ECHDC3: variants seen among roughly 807,000 people sequenced by gnomAD.
ECHDC3 encodes the protein enoyl-CoA hydratase domain-containing protein 3, mitochondrial.
Under a neutral mutation model 17.9 loss-of-function variants are expected in ECHDC3, and 20 were observed. The observed-to-expected ratio is 1.12, with a 90% CI of 0.79 to 1.63. The LOEUF (loss-of-function observed/expected upper bound fraction) is 1.63. Ranked by LOEUF, ECHDC3 falls within the 40% of genes most tolerant of loss-of-function variation. The pLI is 0.00. For synonymous variants in ECHDC3, 177 were observed against 149.7 expected (o/e 1.18, Z -1.33); for missense variants, 407 against 357.7 (o/e 1.14, Z -1.11).
chr10:11,743,925 C>T (rs1832724751), intron 1 of ECHDC3, among the ~76,000 whole-genome samples: 1 of 152,230 alleles, frequency 6.6e-6, no homozygotes, highest in South Asian at 2.1e-4. Context: ...GAAACACTCT[C>T]ACATGAATGC....
rs142839894 is a variant in ECHDC3, at chr10:11,761,847, C to G, written c.592-1377C>G. ...CCTGCCTGCCTGCCTGTCTTCCTCC[C>G]TCTCTCCTTCCTTCCCTCATAAATA... is the stretch of plus-strand genomic sequence containing the variant. On this transcript the variant is annotated intron_variant, in intron 4 of 4. Coordinates refer to ENST00000379215, the MANE Select transcript of ECHDC3 (RefSeq NM_024693.5). Among the ~76,000 whole-genome samples, 624 of 152,338 alleles carry G rather than the reference C, an allele frequency of 4.1e-3. 8 individuals carry two copies. Among genetic ancestry groups the G allele is most frequent in the Non-Finnish European group, 4.1e-3 (276 of 68,038 alleles).
At chr10:11,754,290 G>C (rs1458562852) in intron 3 of ECHDC3, among the ~76,000 whole-genome samples, 2 of 10,936 alleles carry the variant, frequency 1.8e-4, no homozygotes, top group Non-Finnish European at 1.5e-3. Flanking sequence ...TTGAATACCT[G>C]CCTTGGGGTA....
At chr10:11,746,904 T>C (rs1832767436) in intron 1 of ECHDC3, among the ~76,000 whole-genome samples, 1 of 152,116 alleles carries the variant, frequency 6.6e-6, no homozygotes, top group African/African-American at 2.4e-5. Context: ...GAGGGAGTTA[T>C]TTTCATTCTG....
At chr10:11,755,332 A>G (rs1832873211) in intron 3 of ECHDC3, 76 bp from the exon 4 acceptor site, 1 of 1,255,638 alleles carries the variant, frequency 8.0e-7, no homozygotes, top group Non-Finnish European at 1.1e-6. Flanking sequence ...TCAAAAAAAA[A>G]AAAAAAAAAA....
rs1263727692 is a variant in ECHDC3, at chr10:11,742,726, G to T, written c.150G>T (p.Ala50=). 1.1e-5 allele frequency: 14 copies of T among 1,234,386 alleles called. No individual in the cohort carries two copies. The highest frequency in any genetic ancestry group is 1.4e-5 in the Non-Finnish European group (14 of 989,376). 76.5% of individuals were successfully genotyped at this position (1,234,386 alleles called of 1,614,324 possible). The change falls in exon 1 of 5, where the codon GCG becomes GCT. Residue 50 remains alanine (A), a synonymous_variant. Coordinates refer to ENST00000379215, the MANE Select transcript of ECHDC3 (RefSeq NM_024693.5). ...AGTCGGAGCCGCGGCCCACCAGCGCGCGGCAGCTGGACGGCATAAGGTCAG... is the reference window on the plus strand; with the variant it reads ...AGTCGGAGCCGCGGCCCACCAGCGCTCGGCAGCTGGACGGCATAAGGTCAG... The part of the protein sequence containing the change: ...RRESEPRPTS[A]RQLDGIRNIV...
chr10:11,759,727 G>A (rs565787371), intron 4 of ECHDC3, among the ~76,000 whole-genome samples: 2 of 152,240 alleles, frequency 1.3e-5, no homozygotes, highest in East Asian at 1.9e-4. Flanking sequence ...AATCACCCCC[G>A]TTCCAAGGCT....
At position 11,747,394 on chromosome 10, in the gene ECHDC3, T is replaced by TTA. The variant is rs781359675; in HGVS notation, c.216_217insTA (p.Ala73Ter). 18 of 1,614,066 alleles carry TTA rather than the reference T, an allele frequency of 1.1e-5. No individual in the cohort carries two copies. Among genetic ancestry groups the TTA allele is most frequent in the Non-Finnish European group, 1.5e-5 (18 of 1,179,966 alleles). On this transcript the variant is annotated frameshift_variant, in exon 2 of 5. Transcript: ENST00000379215. LOFTEE classifies it high-confidence loss of function. ...CCAAGAAGAGGAACGCGTTGTCACTTGCAATGCTGAAGTCTCTCCAAAGTG... is the reference window on the plus strand; with the variant it reads ...CCAAGAAGAGGAACGCGTTGTCACTTTAGCAATGCTGAAGTCTCTCCAAAGTG...
At chr10:11,748,713 C>T (rs572211619) in intron 2 of ECHDC3, among the ~76,000 whole-genome samples, 1 of 152,214 alleles carries the variant, frequency 6.6e-6, no homozygotes, top group Non-Finnish European at 1.5e-5. Context: ...TGGCAAAACC[C>T]CATCTCTACC....
At chr10:11,759,859 C>T (rs371962378) in intron 4 of ECHDC3, among the ~76,000 whole-genome samples, 3 of 152,330 alleles carry the variant, frequency 2.0e-5, no homozygotes, top group South Asian at 2.1e-4. Context: ...TGTTATTATA[C>T]GAGCCTTGCA....
intron 4 of ECHDC3, among the ~76,000 whole-genome samples, chr10:11,762,394 G>A (rs1219196977): frequency 6.6e-6 from 1 of 152,222 alleles, no homozygotes; most frequent in African/African-American, 2.4e-5. Context: ...GGAACATCAG[G>A]GATGCCACCA....
chr10:11,761,034 A>T (rs1832944264), intron 4 of ECHDC3, among the ~76,000 whole-genome samples: 3 of 152,224 alleles, frequency 2.0e-5, no homozygotes, highest in Non-Finnish European at 4.4e-5. Context: ...AACTTTACAG[A>T]GGAGAAAAGG....
chr10:11,762,399 C>A (rs1248413718), intron 4 of ECHDC3, among the ~76,000 whole-genome samples: 1 of 152,206 alleles, frequency 6.6e-6, no homozygotes, highest in Non-Finnish European at 1.5e-5. Context: ...ATCAGGGATG[C>A]CACCAGGATT....
chr10:11,742,865 TC>T, intron 1 of ECHDC3, 119 bp downstream of exon 1: 1 of 1,118,886 alleles, frequency 8.9e-7, no homozygotes, highest in South Asian at 3.4e-5. Flanking sequence ...GGGAGGGAAC[TC>T]CCCGTGTCCC....
chr10:11,759,120 A>G (rs10795886), intron 4 of ECHDC3, among the ~76,000 whole-genome samples: 146,647 of 152,264 alleles, frequency 0.96, 70,894 homozygotes, highest in East Asian at 1. Flanking sequence ...GTGGGAGGCC[A>G]AGGCGGGTGG....
intron 4 of ECHDC3, among the ~76,000 whole-genome samples, chr10:11,756,368 G>T (rs997550927): frequency 1.3e-5 from 2 of 152,188 alleles, no homozygotes; most frequent in Non-Finnish European, 2.9e-5. Context: ...AAAAAAGGGG[G>T]CAGAATCTTA....
chr10:11,762,693 G>A (rs752103954), intron 4 of ECHDC3, among the ~76,000 whole-genome samples: 2 of 152,214 alleles, frequency 1.3e-5, no homozygotes, highest in Non-Finnish European at 2.9e-5. Flanking sequence ...CGATTGGTGA[G>A]TTAAAACCAT....
chr10:11,747,563 A>G, intron 2 of ECHDC3, 93 bp downstream of exon 2: 4 of 1,471,978 alleles, frequency 2.7e-6, no homozygotes, highest in Non-Finnish European at 3.7e-6. Flanking sequence ...ATTTAACTGG[A>G]GAATTGTTTT....
At chr10:11,761,084 A>G (rs56338234) in intron 4 of ECHDC3, among the ~76,000 whole-genome samples, 101,227 of 151,930 alleles carry the variant, frequency 0.67, 34,200 homozygotes, top group Non-Finnish European at 0.71. Context: ...AGCCCAGTGC[A>G]TGTGGGCTCC....
chr10:11,760,865 G>C (rs1008907849), intron 4 of ECHDC3, among the ~76,000 whole-genome samples: 39 of 152,190 alleles, frequency 2.6e-4, no homozygotes, highest in African/African-American at 9.2e-4. Flanking sequence ...TTAGCTCCTG[G>C]TTCAACCAGG....
Sources: allele counts gnomAD v4.1 joint callset (sites outside exome capture counted in the v4.1 genomes callset), GRCh38; gene constraint gnomAD v4.1.1; transcripts MANE v1.5; gene names NCBI Gene and HGNC (gene_info 2026-07-23, HGNC 2026-07-21).